The following RANBP2 variants were observed in gnomAD, a reference collection of about 807,000 sequenced individuals.
The protein encoded by RANBP2 is RAN binding protein 2.
In RANBP2, 57 loss-of-function variants were observed where a neutral mutation model predicts 303.6. The observed-to-expected ratio is 0.19, with a 90% CI of 0.15 to 0.23. The LOEUF is 0.23. Ranked by LOEUF, RANBP2 falls within the 10% of genes least tolerant of loss-of-function variation. The pLI is 1.00. For synonymous variants in RANBP2, 1,167 were observed against 1,301.5 expected, an observed-to-expected ratio of 0.90 and a Z score of 2.23; for missense variants, 3,138 against 3,780.8, an observed-to-expected ratio of 0.83 and a Z score of 4.46.
chr2:108,743,112 A>G (rs969060806), intron 7 of RANBP2, among the ~76,000 whole-genome samples: 3 of 152,132 alleles, frequency 2.0e-5, no homozygotes, highest in African/African-American at 7.2e-5. Flanking sequence ...TTTAATGGAA[A>G]CTTTAAAATT....
At chr2:109,331,604 C>T in the RANBP2 span, among the ~76,000 whole-genome samples, 106 of 152,276 alleles carry the variant, frequency 7.0e-4, 1 homozygote, top group Admixed American at 2.5e-3. Flanking sequence ...CACTATACTA[C>T]GTACTTTTAA....
the RANBP2 span, among the ~76,000 whole-genome samples, chr2:109,040,788 G>T: frequency 6.6e-6 from 1 of 152,164 alleles, no homozygotes; most frequent in Non-Finnish European, 1.5e-5. Context: ...AGGCGCGGTG[G>T]CCCACACCTG....
At chr2:109,064,517 C>G in the RANBP2 span, among the ~76,000 whole-genome samples, 1 of 149,514 alleles carries the variant, frequency 6.7e-6, no homozygotes, top group African/African-American at 2.5e-5. Context: ...GCACCCAGTT[C>G]TCTCAGTGCA....
At chr2:109,417,692 G>A in the RANBP2 span, among the ~76,000 whole-genome samples, 4 of 152,150 alleles carry the variant, frequency 2.6e-5, no homozygotes, top group Non-Finnish European at 4.4e-5. Context: ...GGAGTCTCTC[G>A]GTTGCACCCG....
the RANBP2 span, among the ~76,000 whole-genome samples, chr2:109,004,516 C>T: frequency 2.0e-5 from 3 of 152,172 alleles, no homozygotes; most frequent in African/African-American, 7.2e-5. Context: ...GTTCGGAAAG[C>T]GCTGCCAGAG....
chr2:108,741,277 G>T (rs1234642046), intron 7 of RANBP2, among the ~76,000 whole-genome samples: 1 of 149,458 alleles, frequency 6.7e-6, no homozygotes, highest in South Asian at 2.1e-4. Context: ...GCTCACTGCA[G>T]CCTCCACCTC....
At chr2:108,970,279 C>T in the RANBP2 span, among the ~76,000 whole-genome samples, 15 of 152,206 alleles carry the variant, frequency 9.9e-5, no homozygotes, top group East Asian at 3.9e-4. Context: ...AGCTTCTTTA[C>T]GACACCAGGA....
chr2:109,045,542 T>A, the RANBP2 span, among the ~76,000 whole-genome samples: 1 of 151,974 alleles, frequency 6.6e-6, no homozygotes, highest in Non-Finnish European at 1.5e-5. Context: ...CTAACAACGA[T>A]CTGATATAAA....
the RANBP2 span, among the ~76,000 whole-genome samples, chr2:109,702,453 C>T: frequency 3.9e-5 from 6 of 152,314 alleles, no homozygotes; most frequent in Admixed American, 3.3e-4. Flanking sequence ...GGCTGACCTG[C>T]CACCCACCAC....
At chr2:108,873,613 T>A in the RANBP2 span, 35 of 1,511,678 alleles carry the variant, frequency 2.3e-5, no homozygotes, top group Middle Eastern at 1.0e-3. Context: ...ATTTCTAACA[T>A]TTTTTATTGA....
chr2:109,002,525 A>G, the RANBP2 span, among the ~76,000 whole-genome samples: 2 of 152,012 alleles, frequency 1.3e-5, no homozygotes, highest in Admixed American at 1.3e-4. Flanking sequence ...CTGCCCTTGG[A>G]ATAAAGTCCT....
chr2:109,435,613 T>C, the RANBP2 span, among the ~76,000 whole-genome samples: 4 of 152,198 alleles, frequency 2.6e-5, no homozygotes, highest in Non-Finnish European at 5.9e-5. Flanking sequence ...GAAGTAGGAC[T>C]AGCCAAGGGT....
chr2:109,376,470 A>G, the RANBP2 span, among the ~76,000 whole-genome samples: 1 of 152,172 alleles, frequency 6.6e-6, no homozygotes, highest in Non-Finnish European at 1.5e-5. Context: ...CATGTTAGCA[A>G]ATACGCCAGT....
the RANBP2 span, among the ~76,000 whole-genome samples, chr2:108,928,246 T>A: frequency 1.3e-5 from 2 of 152,160 alleles, no homozygotes; most frequent in Non-Finnish European, 2.9e-5. Context: ...CGTCGGCATC[T>A]CCACTTGCAG....
At chr2:109,657,726 T>TTG in the RANBP2 span, among the ~76,000 whole-genome samples, 5 of 144,204 alleles carry the variant, frequency 3.5e-5, no homozygotes, top group Admixed American at 6.9e-5. Context: ...TTTTTTTTTT[T>TTG]TTTTTTTTTT....
the RANBP2 span, among the ~76,000 whole-genome samples, chr2:109,372,507 A>G: frequency 8.5e-5 from 13 of 152,230 alleles, no homozygotes; most frequent in African/African-American, 2.7e-4. Flanking sequence ...TGTGCCAGAC[A>G]CTTGGAAGTA....
At chr2:108,888,438 G>A in the RANBP2 span, among the ~76,000 whole-genome samples, 2 of 151,964 alleles carry the variant, frequency 1.3e-5, no homozygotes, top group Admixed American at 6.6e-5. Flanking sequence ...GTTTCAGGAG[G>A]GTTGGTGTTA....
intron 7 of RANBP2, among the ~76,000 whole-genome samples, chr2:108,741,568 C>T (rs1356861409): frequency 7.7e-5 from 9 of 117,110 alleles, no homozygotes; most frequent in South Asian, 3.1e-4. Context: ...TGCAGTGGCA[C>T]GATCTCGGCT....
chr2:109,464,604 A>G, the RANBP2 span, among the ~76,000 whole-genome samples: 1 of 152,224 alleles, frequency 6.6e-6, no homozygotes, highest in African/African-American at 2.4e-5. Flanking sequence ...TCTTCTAAAA[A>G]TAGCCCTTCT....
Sources: gnomAD v4.1 joint callset for allele counts (sites outside exome capture counted in the v4.1 genomes callset) on GRCh38, gnomAD v4.1.1 for gene constraint, MANE v1.5 for transcripts, NCBI Gene and HGNC (gene_info 2026-07-23, HGNC 2026-07-21) for gene names.